PKP4: variants seen among roughly 807,000 people sequenced by gnomAD.
The protein encoded by PKP4 is plakophilin-4.
A neutral mutation model predicts 145.1 loss-of-function variants in PKP4; 90 were observed. The observed-to-expected ratio is 0.62, with a 90% CI of 0.52 to 0.74. The LOEUF is 0.74. Among genes scored for constraint, PKP4 ranks in the 30% least tolerant of loss-of-function variants. The pLI is 0.00. For synonymous variants in PKP4, 563 were observed against 577.2 expected (o/e 0.98, Z 0.35); for missense variants, 1,340 against 1,482.7 (o/e 0.90, Z 1.58).
At chr2:158,604,352 A>G (rs1379027189) in intron 4 of PKP4, among the ~76,000 whole-genome samples, 3 of 152,194 alleles carry the variant, frequency 2.0e-5, no homozygotes, top group African/African-American at 7.2e-5. Flanking sequence ...AATTACAGAG[A>G]TCTGTAAGTT....
intron 2 of PKP4, among the ~76,000 whole-genome samples, chr2:158,555,909 G>T (rs1475252133): frequency 6.6e-6 from 1 of 152,130 alleles, no homozygotes; most frequent in Non-Finnish European, 1.5e-5. Flanking sequence ...ACTGAGCTTG[G>T]TTTTTTCCAT....
chr2:158,473,459 C>T (rs901670867), intron 1 of PKP4, among the ~76,000 whole-genome samples: 18 of 152,152 alleles, frequency 1.2e-4, no homozygotes, highest in East Asian at 3.8e-4. Flanking sequence ...ACATATACAC[C>T]GTGCAATACT....
chr2:158,484,172 C>T (rs1316149530), intron 1 of PKP4, among the ~76,000 whole-genome samples: 1 of 151,962 alleles, frequency 6.6e-6, no homozygotes, highest in African/African-American at 2.4e-5. Context: ...CTCAGCCTCC[C>T]GAGTAGCTGG....
At chr2:158,597,459 G>C (rs1488076969) in intron 3 of PKP4, among the ~76,000 whole-genome samples, 1 of 152,074 alleles carries the variant, frequency 6.6e-6, no homozygotes, top group African/African-American at 2.4e-5. Context: ...AGAACAGGTA[G>C]GTAAACAAAT....
intron 1 of PKP4, among the ~76,000 whole-genome samples, chr2:158,499,762 T>A (rs1406633283): frequency 6.6e-6 from 1 of 152,186 alleles, no homozygotes; most frequent in Admixed American, 6.5e-5. Flanking sequence ...AAAAAAAAAT[T>A]GGTAATACTT....
chr2:158,550,470 C>T (rs569990581), intron 2 of PKP4, among the ~76,000 whole-genome samples: 6 of 152,166 alleles, frequency 3.9e-5, no homozygotes, highest in East Asian at 3.8e-4. Context: ...AGTTTTCAAA[C>T]GGTGGTTGTG....
intron 1 of PKP4, among the ~76,000 whole-genome samples, chr2:158,516,683 G>C (rs2041968240): frequency 7.3e-6 from 1 of 136,944 alleles, no homozygotes; most frequent in Admixed American, 7.2e-5. Context: ...TTTTAAGACA[G>C]AGTTCCGCTC....
At chr2:158,608,707 T>A (rs992635457) in intron 4 of PKP4, among the ~76,000 whole-genome samples, 1 of 152,134 alleles carries the variant, frequency 6.6e-6, no homozygotes, top group African/African-American at 2.4e-5. Flanking sequence ...TCAGCCATAT[T>A]TATGACATTT....
intron 1 of PKP4, among the ~76,000 whole-genome samples, chr2:158,475,342 T>C (rs755159675): frequency 2.0e-5 from 3 of 151,720 alleles, no homozygotes; most frequent in Non-Finnish European, 4.4e-5. Flanking sequence ...GATTCATTCT[T>C]TTTTTTTGTC....
At chr2:158,628,487 T>C (rs1326314300) in intron 7 of PKP4, among the ~76,000 whole-genome samples, 3 of 152,198 alleles carry the variant, frequency 2.0e-5, no homozygotes, top group African/African-American at 4.8e-5. Context: ...AGTTTACTAC[T>C]ATTTATTATG....
intron 1 of PKP4, among the ~76,000 whole-genome samples, chr2:158,460,784 C>T (rs1689643915): frequency 6.6e-6 from 1 of 152,154 alleles, no homozygotes; most frequent in African/African-American, 2.4e-5. Flanking sequence ...TGCCTTCACG[C>T]CTTCAAGTGT....
At chr2:158,625,545 T>A in intron 7 of PKP4, 118 bp downstream of exon 7, 1 of 809,640 alleles carries the variant, frequency 1.2e-6, no homozygotes, top group Non-Finnish European at 1.9e-6. Context: ...ATCTCAGATT[T>A]TAAACTATAA....
chr2:158,648,115 G>A (rs569691162), intron 11 of PKP4, among the ~76,000 whole-genome samples: 3 of 152,138 alleles, frequency 2.0e-5, no homozygotes, highest in Non-Finnish European at 4.4e-5. Context: ...ATACCAAAAA[G>A]TAGCCTTTGT....
intron 12 of PKP4, 49 bp downstream of exon 12, chr2:158,658,363 G>C: frequency 9.0e-7 from 1 of 1,109,520 alleles, no homozygotes; most frequent in Middle Eastern, 2.1e-4. Flanking sequence ...TTAAATATGT[G>C]TCATAGGTAA....
chr2:158,552,281 G>A (rs2105705784), intron 2 of PKP4, among the ~76,000 whole-genome samples: 1 of 152,276 alleles, frequency 6.6e-6, no homozygotes, highest in South Asian at 2.1e-4. Flanking sequence ...CTTGATTTCG[G>A]CCCAGTGAAA....
rs150934533 is a variant in PKP4, at chr2:158,486,768, G to A, written c.-6+29550G>A. Among the ~76,000 whole-genome samples the A allele has an allele frequency of 1.9e-3, 285 of 152,352 alleles. 5 individuals carry two copies. Among genetic ancestry groups the A allele is most frequent in the Admixed American group, 0.016 (251 of 15,304 alleles). Reference sequence around the variant, plus strand: ...CAGCAGCAGGCCATTGTCATGGTATGGAATAATGGTGACTGAAAGTCATTC... The same window carrying A: ...CAGCAGCAGGCCATTGTCATGGTATAGAATAATGGTGACTGAAAGTCATTC... On this transcript the variant is annotated intron_variant, in intron 1 of 21. Coordinates refer to ENST00000389759, the MANE Select transcript of PKP4 (RefSeq NM_003628.6).
intron 17 of PKP4, among the ~76,000 whole-genome samples, chr2:158,673,092 G>A (rs180829571): frequency 7.9e-5 from 12 of 152,264 alleles, no homozygotes; most frequent in Non-Finnish European, 2.9e-5. Flanking sequence ...CCAGTGACTC[G>A]GAATCCAGTT....
rs754100333 is a variant in PKP4, at chr2:158,577,395, A to G, written c.245+12A>G. 1.9e-5 allele frequency: 29 copies of G among 1,539,482 alleles called. No individual in the cohort carries two copies. The highest frequency in any genetic ancestry group is 6.8e-5 in the Admixed American group (4 of 59,002). On this transcript the variant is annotated intron_variant, in intron 3 of 21. Coordinates refer to ENST00000389759, the MANE Select transcript of PKP4 (RefSeq NM_003628.6). ...ATCGCCAGCACCAGGTACAGGGCCAATGGCTCCATCTTTATGCACACTCAA... is the reference window on the plus strand; with the variant it reads ...ATCGCCAGCACCAGGTACAGGGCCAGTGGCTCCATCTTTATGCACACTCAA...
chr2:158,570,760 G>A (rs2047352747), intron 2 of PKP4, among the ~76,000 whole-genome samples: 1 of 152,166 alleles, frequency 6.6e-6, no homozygotes, highest in Admixed American at 6.5e-5. Flanking sequence ...AAATATACAA[G>A]CATTGGAAAC....
Sources: gnomAD v4.1 joint callset for allele counts (sites outside exome capture counted in the v4.1 genomes callset) on GRCh38, gnomAD v4.1.1 for gene constraint, MANE v1.5 for transcripts, NCBI Gene and HGNC (gene_info 2026-07-23, HGNC 2026-07-21) for gene names.